NXPE2: variants seen among roughly 807,000 people sequenced by gnomAD.
NXPE2 encodes the protein neurexophilin and PC-esterase domain family member 2.
Under a neutral mutation model 34.4 loss-of-function variants are expected in NXPE2, and 34 were observed. The observed-to-expected ratio is 0.99, with a 90% CI of 0.75 to 1.31. The LOEUF (loss-of-function observed/expected upper bound fraction) is 1.31, where lower values mean the gene tolerates loss of function less well. Among genes scored for constraint, NXPE2 ranks in the 40% most tolerant of loss-of-function variants. NXPE2 has a pLI of 0.00. For missense variants in NXPE2, 649 were observed against 672.5 expected, an observed-to-expected ratio of 0.97 and a Z score of 0.39; for synonymous variants, 235 against 231.3, an observed-to-expected ratio of 1.02 and a Z score of -0.15.
the NXPE2 span, among the ~76,000 whole-genome samples, chr11:114,544,547 C>T: frequency 6.6e-6 from 1 of 152,258 alleles, no homozygotes; most frequent in East Asian, 1.9e-4. Context: ...AGCCTAGACA[C>T]AGACCTCACA....
chr11:114,680,848 G>A (rs1379749729), intron 2 of NXPE2, among the ~76,000 whole-genome samples: 1 of 152,096 alleles, frequency 6.6e-6, no homozygotes, highest in Non-Finnish European at 1.5e-5. Context: ...TTGAATATGT[G>A]CTATTCATTG....
chr11:114,648,330 A>G, the NXPE2 span, among the ~76,000 whole-genome samples: 1 of 152,116 alleles, frequency 6.6e-6, no homozygotes, highest in Non-Finnish European at 1.5e-5. Flanking sequence ...GGAAGAGCCA[A>G]TGTTTTGGTT....
At chr11:114,800,775 A>G in the NXPE2 span, among the ~76,000 whole-genome samples, 7 of 135,688 alleles carry the variant, frequency 5.2e-5, no homozygotes, top group South Asian at 1.8e-3. Context: ...ACACTGTTTA[A>G]AAGAAGATAA....
At chr11:114,621,197 A>G in the NXPE2 span, among the ~76,000 whole-genome samples, 1 of 152,170 alleles carries the variant, frequency 6.6e-6, no homozygotes, top group Non-Finnish European at 1.5e-5. Flanking sequence ...AACCACTGTT[A>G]CCTGGTGGAT....
the NXPE2 span, among the ~76,000 whole-genome samples, chr11:114,552,370 T>C: frequency 6.6e-6 from 1 of 152,310 alleles, no homozygotes; most frequent in East Asian, 1.9e-4. Flanking sequence ...TTATTTACTT[T>C]TTGATTTCCA....
At chr11:114,792,623 A>G in the NXPE2 span, among the ~76,000 whole-genome samples, 1 of 152,114 alleles carries the variant, frequency 6.6e-6, no homozygotes, top group Non-Finnish European at 1.5e-5. Flanking sequence ...ATGATATACC[A>G]TTTCTATAAA....
the NXPE2 span, among the ~76,000 whole-genome samples, chr11:114,743,214 T>C: frequency 1.2e-3 from 149 of 123,180 alleles, no homozygotes; most frequent in African/African-American, 4.7e-3. Context: ...TTCAGGGAAT[T>C]ATCAGGCAAG....
At chr11:114,810,946 C>T in the NXPE2 span, among the ~76,000 whole-genome samples, 3 of 151,938 alleles carry the variant, frequency 2.0e-5, no homozygotes, top group Non-Finnish European at 4.4e-5. Context: ...CCTAAATGTC[C>T]AACGATAGAC....
chr11:114,664,252 A>G, the NXPE2 span, among the ~76,000 whole-genome samples: 1 of 152,184 alleles, frequency 6.6e-6, no homozygotes, highest in South Asian at 2.1e-4. Flanking sequence ...AAAAGAACAC[A>G]GACTAAAAAG....
chr11:114,724,870 T>A, the NXPE2 span, among the ~76,000 whole-genome samples: 1 of 146,644 alleles, frequency 6.8e-6, no homozygotes, highest in Non-Finnish European at 1.5e-5. Flanking sequence ...ACCCTCCACG[T>A]AATATTGCCT....
intron 3 of NXPE2, among the ~76,000 whole-genome samples, chr11:114,699,938 C>G (rs1951334236): frequency 6.6e-6 from 1 of 152,028 alleles, no homozygotes; most frequent in Admixed American, 6.6e-5. Context: ...GGACCACAGG[C>G]ACCTGCCACC....
At chr11:114,478,333 G>A in the NXPE2 span, among the ~76,000 whole-genome samples, 1 of 152,140 alleles carries the variant, frequency 6.6e-6, no homozygotes, top group Non-Finnish European at 1.5e-5. Context: ...TGGCTTCCAG[G>A]TCCTTGAGAA....
chr11:114,677,791 T>C (rs576345521), upstream of NXPE2, among the ~76,000 whole-genome samples: 2 of 152,238 alleles, frequency 1.3e-5, no homozygotes, highest in Non-Finnish European at 1.5e-5. Context: ...TATCTGTATA[T>C]AGAGATCTAT....
the NXPE2 span, among the ~76,000 whole-genome samples, chr11:114,766,994 T>C: frequency 4.6e-5 from 7 of 151,436 alleles, no homozygotes; most frequent in Admixed American, 4.6e-4. Flanking sequence ...AAAAAAAAAA[T>C]ATTTTTTCCT....
chr11:114,713,843 T>C, the NXPE2 span, among the ~76,000 whole-genome samples: 3 of 152,192 alleles, frequency 2.0e-5, no homozygotes, highest in African/African-American at 7.2e-5. Context: ...AATCTTCTTT[T>C]CCAGTCTACA....
At chr11:114,480,707 T>C in the NXPE2 span, among the ~76,000 whole-genome samples, 5 of 152,214 alleles carry the variant, frequency 3.3e-5, no homozygotes, top group African/African-American at 1.2e-4. Flanking sequence ...CGACCGTTGG[T>C]TAAAGTATTC....
chr11:114,675,385 A>C (rs1455642745), upstream of NXPE2, among the ~76,000 whole-genome samples: 1 of 151,814 alleles, frequency 6.6e-6, no homozygotes. Context: ...TGCCAGTGAC[A>C]GGAGCTTATA....
intron 2 of NXPE2, among the ~76,000 whole-genome samples, chr11:114,681,316 G>A (rs989150623): frequency 1.3e-5 from 2 of 152,160 alleles, no homozygotes; most frequent in African/African-American, 4.8e-5. Context: ...CAGAAATACA[G>A]GATATCATGT....
At chr11:114,783,511 A>T in the NXPE2 span, among the ~76,000 whole-genome samples, 1 of 152,222 alleles carries the variant, frequency 6.6e-6, no homozygotes, top group African/African-American at 2.4e-5. Context: ...GCTATTAGAG[A>T]TCACACATAG....
Sources: allele counts gnomAD v4.1 joint callset (sites outside exome capture counted in the v4.1 genomes callset), GRCh38; gene constraint gnomAD v4.1.1; transcripts MANE v1.5; gene names NCBI Gene and HGNC (gene_info 2026-07-23, HGNC 2026-07-21).